NEGR1: variants seen among roughly 807,000 people sequenced by gnomAD.
NEGR1 encodes neuronal growth regulator 1.
In NEGR1, 10 loss-of-function variants were observed where a neutral mutation model predicts 40.9. That is an observed-to-expected ratio of 0.24 (90% CI 0.15 to 0.42). NEGR1 has a LOEUF of 0.42. NEGR1 is among the 10% of genes least tolerant of loss of function. NEGR1 has a pLI of 1.00. For synonymous variants in NEGR1, 185 were observed against 166.8 expected (o/e 1.11, Z -0.84); for missense variants, 352 against 438.9 (o/e 0.80, Z 1.77).
At chr1:71,595,755 A>G (rs993335733) in intron 5 of NEGR1, among the ~76,000 whole-genome samples, 1 of 152,088 alleles carries the variant, frequency 6.6e-6, no homozygotes, top group African/African-American at 2.4e-5. Flanking sequence ...ACTGTGGGGA[A>G]CTTGTTAATA....
chr1:71,640,674 T>G (rs78305077), intron 4 of NEGR1, among the ~76,000 whole-genome samples: 3,655 of 152,114 alleles, frequency 0.024, 148 homozygotes, highest in African/African-American at 0.083. Context: ...ATAGAAGAAC[T>G]TAAATATTCA....
At chr1:71,818,363 A>G (rs1658305313) in intron 2 of NEGR1, among the ~76,000 whole-genome samples, 1 of 152,104 alleles carries the variant, frequency 6.6e-6, no homozygotes, top group Non-Finnish European at 1.5e-5. Context: ...CATTAAAAAA[A>G]GAATGAGCTC....
At chr1:71,629,395 T>C (rs1043791960) in intron 4 of NEGR1, among the ~76,000 whole-genome samples, 1 of 152,094 alleles carries the variant, frequency 6.6e-6, no homozygotes, top group African/African-American at 2.4e-5. Context: ...TTTGTTTGTG[T>C]CTTCTCTTAT....
intron 6 of NEGR1, among the ~76,000 whole-genome samples, chr1:71,557,475 A>G (rs1648289942): frequency 1.3e-5 from 2 of 151,626 alleles, no homozygotes; most frequent in South Asian, 4.1e-4. Context: ...GTGAGGGAGA[A>G]AGCAAGTATT....
intron 2 of NEGR1, among the ~76,000 whole-genome samples, chr1:71,806,749 G>C (rs537712382): frequency 1.3e-5 from 2 of 152,196 alleles, no homozygotes; most frequent in East Asian, 3.9e-4. Context: ...ATCTCCCCAA[G>C]TGTTGAAACC....
chr1:72,160,112 G>A (rs981772136), intron 1 of NEGR1, among the ~76,000 whole-genome samples: 5 of 152,052 alleles, frequency 3.3e-5, no homozygotes, highest in African/African-American at 9.7e-5. Flanking sequence ...ATATAAGCTG[G>A]ATATTCAGAA....
At chr1:72,012,830 C>T (rs1274279763) in intron 1 of NEGR1, among the ~76,000 whole-genome samples, 3 of 134,720 alleles carry the variant, frequency 2.2e-5, no homozygotes, top group Admixed American at 1.5e-4. Context: ...CACACACACA[C>T]ATATATACAT....
chr1:72,231,752 G>A (rs906562639), intron 1 of NEGR1, among the ~76,000 whole-genome samples: 1 of 152,080 alleles, frequency 6.6e-6, no homozygotes, highest in Admixed American at 6.6e-5. Context: ...ATGATTTTCC[G>A]AGTGTAGATG....
chr1:71,728,891 G>A (rs1043784598), intron 3 of NEGR1, among the ~76,000 whole-genome samples: 4 of 152,156 alleles, frequency 2.6e-5, no homozygotes, highest in African/African-American at 9.7e-5. Flanking sequence ...CCACCTGGGA[G>A]AGGAGGAGAA....
At chr1:71,544,294 A>C (rs758756091) in intron 6 of NEGR1, among the ~76,000 whole-genome samples, 6 of 151,726 alleles carry the variant, frequency 4.0e-5, no homozygotes, top group Non-Finnish European at 7.4e-5. Context: ...GAGAAAAAAC[A>C]TATTTTTGAT....
rs962247595 is a variant in NEGR1, at chr1:72,089,033, C to T, written c.177-153722G>A. ...AAGAAGCAGTATTAACAGAGCCATG[C>T]TTCTCAAACTTTGATCAATCCCGTA... On this transcript the variant is annotated intron_variant, in intron 1 of 6. Transcript: ENST00000357731. 3.9e-5 allele frequency among the ~76,000 whole-genome samples: 6 copies of T among 152,088 alleles called. No individual in the cohort carries two copies. The East Asian group carries it at 1.2e-3, about 29-fold the overall frequency.
At chr1:72,227,688 C>T (rs946324589) in intron 1 of NEGR1, among the ~76,000 whole-genome samples, 8 of 151,862 alleles carry the variant, frequency 5.3e-5, no homozygotes, top group African/African-American at 9.7e-5. Flanking sequence ...TGAAAACCAA[C>T]GAAAAGACAC....
intron 2 of NEGR1, among the ~76,000 whole-genome samples, chr1:71,913,791 T>G (rs1203093201): frequency 1.3e-5 from 2 of 151,998 alleles, no homozygotes; most frequent in Non-Finnish European, 2.9e-5. Context: ...AATTCTATTA[T>G]TTTACAGTCA....
intron 1 of NEGR1, among the ~76,000 whole-genome samples, chr1:72,138,907 C>T (rs1270564801): frequency 6.6e-6 from 1 of 151,914 alleles, no homozygotes; most frequent in African/African-American, 2.4e-5. Context: ...TACATTCTTT[C>T]AAGTACACAT....
chr1:71,539,495 A>G (rs554108200), intron 6 of NEGR1, among the ~76,000 whole-genome samples: 1 of 151,852 alleles, frequency 6.6e-6, no homozygotes, highest in East Asian at 2.0e-4. Flanking sequence ...TTTATTTTGT[A>G]GAGGAAGTTT....
chr1:72,028,148 A>G lies in NEGR1; in HGVS notation c.177-92837T>C, dbSNP rs553908678. Among the ~76,000 whole-genome samples the G allele has an allele frequency of 4.6e-5, 7 of 152,298 alleles. No homozygotes were observed. In the South Asian group the frequency reaches 1.2e-3, roughly 27 times the overall value. On this transcript the variant is annotated intron_variant, in intron 1 of 6. Transcript: ENST00000357731. ...TCTTCCTCATTTTACACTTCCAGTC[A>G]CTGAATCTTATTGAATCAATGGCTT...
intron 1 of NEGR1, among the ~76,000 whole-genome samples, chr1:72,264,491 C>A (rs1158785186): frequency 1.3e-5 from 2 of 150,352 alleles, no homozygotes; most frequent in Non-Finnish European, 3.0e-5. Context: ...CATTAAATAG[C>A]TAGATATTCT....
chr1:72,273,438 A>G (rs1368073199), intron 1 of NEGR1, among the ~76,000 whole-genome samples: 1 of 152,014 alleles, frequency 6.6e-6, no homozygotes, highest in African/African-American at 2.4e-5. Context: ...ATAATTGTCA[A>G]GGGCAAAAGC....
At chr1:71,934,994 A>C in intron 2 of NEGR1, 85 bp downstream of exon 2, 1 of 758,288 alleles carries the variant, frequency 1.3e-6, no homozygotes, top group Non-Finnish European at 2.2e-6. Context: ...AACATTGTTA[A>C]CTGCTTCCTA....
Sources: allele counts gnomAD v4.1 joint callset (sites outside exome capture counted in the v4.1 genomes callset), GRCh38; gene constraint gnomAD v4.1.1; transcripts MANE v1.5; gene names NCBI Gene and HGNC (gene_info 2026-07-23, HGNC 2026-07-21).